Variants in BRINP1 observed in about 807,000 individuals in gnomAD.
BRINP1 encodes the protein BMP/retinoic acid inducible neural specific 1, also known as BMP/retinoic acid-inducible neural-specific protein 1.
Under a neutral mutation model 72.9 loss-of-function variants are expected in BRINP1, and 17 were observed. The observed-to-expected ratio is 0.23, with a 90% CI of 0.16 to 0.35. The LOEUF (loss-of-function observed/expected upper bound fraction) is 0.35, where lower values mean the gene tolerates loss of function less well. BRINP1 is among the 10% of genes least tolerant of loss of function. The pLI, the probability that BRINP1 is intolerant of heterozygous loss-of-function variation, is 1.00. For synonymous variants in BRINP1, 418 were observed against 378.5 expected (o/e 1.10, Z -1.21); for missense variants, 850 against 1,001.6 (o/e 0.85, Z 2.04).
At chr9:119,261,819 G>A (rs1402068370) in intron 2 of BRINP1, among the ~76,000 whole-genome samples, 3 of 122,204 alleles carry the variant, frequency 2.5e-5, no homozygotes, top group Admixed American at 9.0e-5. Flanking sequence ...TTCTTCCTTC[G>A]TTTATTCTTT....
chr9:119,237,016 C>G (rs1423252368), intron 5 of BRINP1, among the ~76,000 whole-genome samples: 2 of 152,158 alleles, frequency 1.3e-5, no homozygotes, highest in African/African-American at 4.8e-5. Context: ...TATTTTCTAA[C>G]CACCTTCTGT....
chr9:119,195,905 T>G (rs1445043898), intron 7 of BRINP1, among the ~76,000 whole-genome samples: 1 of 152,232 alleles, frequency 6.6e-6, no homozygotes, highest in Non-Finnish European at 1.5e-5. Context: ...AAAGCTGTGT[T>G]TTGAGGAGCC....
intron 2 of BRINP1, among the ~76,000 whole-genome samples, chr9:119,272,737 C>A (rs139952157): frequency 6.6e-6 from 1 of 152,316 alleles, no homozygotes; most frequent in East Asian, 1.9e-4. Flanking sequence ...CCCTGCTGGT[C>A]AAACTGGCCC....
At chr9:119,311,456 C>T (rs1046680267) in intron 2 of BRINP1, among the ~76,000 whole-genome samples, 1 of 152,196 alleles carries the variant, frequency 6.6e-6, no homozygotes, top group African/African-American at 2.4e-5. Context: ...CAAGCCTTCT[C>T]TAGTATAAGG....
intron 1 of BRINP1, among the ~76,000 whole-genome samples, chr9:119,365,801 A>T (rs189168215): frequency 2.0e-5 from 3 of 152,158 alleles, no homozygotes; most frequent in African/African-American, 7.2e-5. Context: ...CTGATTTGGC[A>T]TCTCTGAGCT....
At chr9:119,281,555 G>A (rs2118962616) in intron 2 of BRINP1, among the ~76,000 whole-genome samples, 1 of 152,290 alleles carries the variant, frequency 6.6e-6, no homozygotes, top group South Asian at 2.1e-4. Context: ...ATTCTCTATG[G>A]GCGAGTGAGA....
intron 7 of BRINP1, among the ~76,000 whole-genome samples, chr9:119,186,268 AG>A (rs1025168544): frequency 5.3e-5 from 8 of 152,194 alleles, no homozygotes; most frequent in African/African-American, 1.7e-4. Context: ...AGCTTTGGCC[AG>A]GGAACAGCTG....
At chr9:119,285,799 G>A (rs530633668) in intron 2 of BRINP1, among the ~76,000 whole-genome samples, 1 of 152,156 alleles carries the variant, frequency 6.6e-6, no homozygotes, top group East Asian at 1.9e-4. Context: ...GTATCATTCA[G>A]GAAGAAACAC....
chr9:119,240,346 A>G (rs1012185653), intron 4 of BRINP1, among the ~76,000 whole-genome samples: 20 of 152,196 alleles, frequency 1.3e-4, no homozygotes, highest in African/African-American at 4.6e-4. Context: ...GGTAGTGGCA[A>G]GAAATGGCAT....
chr9:119,245,504 T>C (rs1830304986), intron 3 of BRINP1, among the ~76,000 whole-genome samples: 1 of 152,184 alleles, frequency 6.6e-6, no homozygotes, highest in African/African-American at 2.4e-5. Flanking sequence ...TTTCTATGCC[T>C]GTTTTCTTGT....
At chr9:119,207,202 G>A (rs569580698) in intron 7 of BRINP1, among the ~76,000 whole-genome samples, 3 of 152,268 alleles carry the variant, frequency 2.0e-5, no homozygotes, top group East Asian at 3.9e-4. Flanking sequence ...TAGCTCTGAC[G>A]CAAGAAAAAC....
intron 1 of BRINP1, among the ~76,000 whole-genome samples, chr9:119,348,136 C>G (rs1188990008): frequency 6.6e-6 from 1 of 152,170 alleles, no homozygotes; most frequent in Non-Finnish European, 1.5e-5. Context: ...CTCCCCTGCC[C>G]CATTCTCCCT....
At chr9:119,258,521 C>T (rs1167094508) in intron 2 of BRINP1, among the ~76,000 whole-genome samples, 1 of 152,186 alleles carries the variant, frequency 6.6e-6, no homozygotes, top group Non-Finnish European at 1.5e-5. Flanking sequence ...TGGAACTGCT[C>T]ACTGCCTTGC....
intron 7 of BRINP1, among the ~76,000 whole-genome samples, chr9:119,178,665 G>C (rs1204890618): frequency 1.3e-5 from 2 of 152,076 alleles, no homozygotes; most frequent in East Asian, 3.9e-4. Flanking sequence ...TCTTCACACT[G>C]TCTCCCTGAA....
chr9:119,282,903 A>G (rs1830727489), intron 2 of BRINP1: 2 of 985,286 alleles, frequency 2.0e-6, no homozygotes, highest in Admixed American at 6.1e-5. Context: ...CAAACACAAA[A>G]GCTCTATGCC....
intron 7 of BRINP1, among the ~76,000 whole-genome samples, chr9:119,174,668 G>T (rs1018008017): frequency 6.7e-6 from 1 of 149,908 alleles, no homozygotes; most frequent in African/African-American, 2.5e-5. Context: ...ACATGCACAC[G>T]TATGTTTATT....
intron 7 of BRINP1, among the ~76,000 whole-genome samples, chr9:119,203,885 C>A (rs992143510): frequency 6.6e-6 from 1 of 152,096 alleles, no homozygotes; most frequent in Non-Finnish European, 1.5e-5. Context: ...AATATATGTC[C>A]CCTGCCCCCA....
At chr9:119,290,182 A>T (rs1048718385) in intron 2 of BRINP1, among the ~76,000 whole-genome samples, 2 of 152,198 alleles carry the variant, frequency 1.3e-5, no homozygotes, top group African/African-American at 4.8e-5. Context: ...ACTGCAACTG[A>T]AAAAGGTTAA....
chr9:119,211,158 C>T (rs572247398), intron 6 of BRINP1, among the ~76,000 whole-genome samples: 24 of 149,082 alleles, frequency 1.6e-4, no homozygotes, highest in Non-Finnish European at 2.7e-4. Context: ...GAGTTAAATA[C>T]ATTAACTTTA....
Sources: allele counts gnomAD v4.1 joint callset (sites outside exome capture counted in the v4.1 genomes callset), GRCh38; gene constraint gnomAD v4.1.1; transcripts MANE v1.5; gene names NCBI Gene and HGNC (gene_info 2026-07-23, HGNC 2026-07-21).